CNTN5: variants seen among roughly 807,000 people sequenced by gnomAD.
The protein encoded by CNTN5 is contactin-5.
A neutral mutation model predicts 129.1 loss-of-function variants in CNTN5; 77 were observed. The ratio of observed to expected loss-of-function variants is 0.60; its 90% CI spans 0.50 to 0.72. The LOEUF (loss-of-function observed/expected upper bound fraction) is 0.72, where lower values mean the gene tolerates loss of function less well. Among genes scored for constraint, CNTN5 ranks in the 30% least tolerant of loss-of-function variants. The probability of loss-of-function intolerance (pLI) is 0.00; values close to 1 mark genes in which losing one functional copy is unlikely to be tolerated. For missense variants in CNTN5, 1,478 were observed against 1,328.8 expected (o/e 1.11, Z -1.75); for synonymous variants, 509 against 465.6 (o/e 1.09, Z -1.20).
At chr11:99,915,951 A>G (rs1949777798) in intron 6 of CNTN5, 103 bp from the exon 7 acceptor site, 13 of 839,950 alleles carry the variant, frequency 1.5e-5, no homozygotes, top group Non-Finnish European at 2.3e-5. Context: ...CAAACAAAAG[A>G]CACCTTGTGA....
intron 10 of CNTN5, among the ~76,000 whole-genome samples, chr11:100,065,679 C>G (rs192910675): frequency 6.6e-6 from 1 of 151,944 alleles, no homozygotes; most frequent in Admixed American, 6.6e-5. Context: ...ACCTCCACCC[C>G]CAAGGATAGC....
chr11:99,348,899 A>T (rs1938096066), intron 2 of CNTN5, among the ~76,000 whole-genome samples: 1 of 152,222 alleles, frequency 6.6e-6, no homozygotes, highest in Non-Finnish European at 1.5e-5. Context: ...CGTGCATTCC[A>T]CAAATACATA....
chr11:99,693,615 G>A (rs1174610505), intron 3 of CNTN5, among the ~76,000 whole-genome samples: 1 of 152,064 alleles, frequency 6.6e-6, no homozygotes, highest in Non-Finnish European at 1.5e-5. Context: ...ATAGAGGATA[G>A]TGAGAGACAT....
chr11:99,617,844 A>G (rs1950809006), intron 3 of CNTN5, among the ~76,000 whole-genome samples: 1 of 152,154 alleles, frequency 6.6e-6, no homozygotes, highest in Non-Finnish European at 1.5e-5. Flanking sequence ...ATAGTGCCCT[A>G]CACATAGTTT....
At chr11:99,962,190 A>C (rs1040001801) in intron 8 of CNTN5, among the ~76,000 whole-genome samples, 1 of 152,138 alleles carries the variant, frequency 6.6e-6, no homozygotes, top group African/African-American at 2.4e-5. Context: ...TAAGTTTTAG[A>C]GTACACGTGC....
At chr11:99,333,859 T>C (rs1404129243) in intron 2 of CNTN5, among the ~76,000 whole-genome samples, 1 of 151,998 alleles carries the variant, frequency 6.6e-6, no homozygotes, top group Non-Finnish European at 1.5e-5. Context: ...CGGATTGTCA[T>C]ATTATTGTCC....
chr11:99,517,278 T>A (rs764057204), intron 2 of CNTN5, among the ~76,000 whole-genome samples: 12 of 152,104 alleles, frequency 7.9e-5, no homozygotes, highest in Non-Finnish European at 1.2e-4. Context: ...TTTTATATTT[T>A]CTTTATTATT....
chr11:99,980,381 T>A (rs765785331), intron 8 of CNTN5, among the ~76,000 whole-genome samples: 1 of 152,224 alleles, frequency 6.6e-6, no homozygotes, highest in African/African-American at 2.4e-5. Flanking sequence ...TGAGCTGAGA[T>A]AGGACAATTT....
chr11:99,147,934 G>A (rs1181832717), intron 1 of CNTN5, among the ~76,000 whole-genome samples: 1 of 151,852 alleles, frequency 6.6e-6, no homozygotes, highest in East Asian at 1.9e-4. Context: ...TAATTTTTAG[G>A]AGGAAATATT....
At chr11:99,573,711 C>A (rs888223002) in intron 3 of CNTN5, among the ~76,000 whole-genome samples, 11 of 152,072 alleles carry the variant, frequency 7.2e-5, no homozygotes, top group African/African-American at 2.6e-4. Context: ...CTCACTGCAA[C>A]CTCTGCCTCC....
chr11:99,639,852 C>T (rs1328256784), intron 3 of CNTN5, among the ~76,000 whole-genome samples: 3 of 152,082 alleles, frequency 2.0e-5, no homozygotes, highest in Non-Finnish European at 4.4e-5. Flanking sequence ...GTGTGAGCCA[C>T]CACGTCAGTC....
intron 1 of CNTN5, among the ~76,000 whole-genome samples, chr11:99,266,025 GAGGATA>G (rs1862867192): frequency 6.6e-6 from 1 of 152,054 alleles, no homozygotes; most frequent in Non-Finnish European, 1.5e-5. Context: ...AGGAAGAACA[GAGGATA>G]AGTGATTAAG....
chr11:100,240,311 G>C (rs1471692966), intron 16 of CNTN5, among the ~76,000 whole-genome samples: 2 of 151,140 alleles, frequency 1.3e-5, no homozygotes, highest in African/African-American at 4.9e-5. Context: ...AAATGAGTTA[G>C]ATGGTGGCAT....
At chr11:99,340,268 T>C (rs1008990927) in intron 2 of CNTN5, among the ~76,000 whole-genome samples, 1 of 152,080 alleles carries the variant, frequency 6.6e-6, no homozygotes, top group East Asian at 1.9e-4. Context: ...AGCAAAGATG[T>C]AAAATAGTTA....
At chr11:99,259,868 A>G (rs1018613831) in intron 1 of CNTN5, among the ~76,000 whole-genome samples, 1 of 151,654 alleles carries the variant, frequency 6.6e-6, no homozygotes, top group East Asian at 1.9e-4. Context: ...TTGAAATTTT[A>G]TTTTCTAGGC....
chr11:99,674,839 T>C (rs569709396), intron 3 of CNTN5, among the ~76,000 whole-genome samples: 9 of 152,050 alleles, frequency 5.9e-5, no homozygotes, highest in African/African-American at 2.2e-4. Flanking sequence ...CTGAAACCAA[T>C]GAATTCTGTT....
intron 3 of CNTN5, among the ~76,000 whole-genome samples, chr11:99,790,153 A>T (rs535552198): frequency 2.6e-5 from 4 of 151,994 alleles, no homozygotes; most frequent in African/African-American, 9.7e-5. Flanking sequence ...ATAGTATTCT[A>T]TGGTGTACAT....
At chr11:99,680,342 G>T (rs952997919) in intron 3 of CNTN5, among the ~76,000 whole-genome samples, 1 of 152,120 alleles carries the variant, frequency 6.6e-6, no homozygotes, top group Non-Finnish European at 1.5e-5. Flanking sequence ...GTATTGTTAA[G>T]TTGTAATGCA....
chr11:100,040,369 G>T (rs1211284517), intron 9 of CNTN5, among the ~76,000 whole-genome samples: 2 of 152,196 alleles, frequency 1.3e-5, no homozygotes, highest in African/African-American at 4.8e-5. Context: ...TGAGGTGTCA[G>T]TCCGCCCCTA....
Sources: gnomAD v4.1 joint callset for allele counts (sites outside exome capture counted in the v4.1 genomes callset) on GRCh38, gnomAD v4.1.1 for gene constraint, MANE v1.5 for transcripts, NCBI Gene and HGNC (gene_info 2026-07-23, HGNC 2026-07-21) for gene names.